The following PDE4D variants were observed in gnomAD, a reference collection of about 807,000 sequenced individuals.
PDE4D encodes 3',5'-cyclic-AMP phosphodiesterase 4D.
A neutral mutation model predicts 87.4 loss-of-function variants in PDE4D; 24 were observed. That is an observed-to-expected ratio of 0.27 (90% CI 0.20 to 0.39). The LOEUF (loss-of-function observed/expected upper bound fraction) is 0.39. PDE4D is among the 10% of genes least tolerant of loss of function. The pLI is 1.00. For synonymous variants in PDE4D, 384 were observed against 383.2 expected (o/e 1.00, Z -0.02); for missense variants, 714 against 1,041.0 (o/e 0.69, Z 4.32).
intron 1 of PDE4D, among the ~76,000 whole-genome samples, chr5:59,594,823 T>C (rs1013318696): frequency 2.0e-5 from 3 of 152,188 alleles, no homozygotes; most frequent in East Asian, 1.9e-4. Flanking sequence ...TATAAATTTG[T>C]GCAAACCCAT....
chr5:60,127,753 G>C, intron 2 of PDE4D: 1 of 535,430 alleles, frequency 1.9e-6, no homozygotes, highest in East Asian at 3.0e-5. Context: ...CTCAATGGAA[G>C]ATATTGAAAA....
chr5:59,039,540 G>A (rs999368011), intron 5 of PDE4D: 15 of 985,376 alleles, frequency 1.5e-5, no homozygotes, highest in African/African-American at 7.0e-5. Flanking sequence ...TCAACTCCTC[G>A]GGCGGCAGGC....
At chr5:59,517,964 A>G (rs1223303327) in intron 1 of PDE4D, among the ~76,000 whole-genome samples, 1 of 152,228 alleles carries the variant, frequency 6.6e-6, no homozygotes, top group Non-Finnish European at 1.5e-5. Context: ...TTAAATATCT[A>G]AATTTATTAG....
chr5:60,025,916 A>G (rs1026187517), intron 2 of PDE4D, among the ~76,000 whole-genome samples: 3 of 152,118 alleles, frequency 2.0e-5, no homozygotes, highest in African/African-American at 7.2e-5. Flanking sequence ...AAATATTATG[A>G]GTTAATTTAT....
At chr5:59,676,698 G>C (rs764719167) in intron 1 of PDE4D, among the ~76,000 whole-genome samples, 1 of 152,100 alleles carries the variant, frequency 6.6e-6, no homozygotes, top group Non-Finnish European at 1.5e-5. Flanking sequence ...ATAATTGTAC[G>C]TAGGGATGTT....
chr5:60,419,996 G>A (rs1742950912), intron 1 of PDE4D, among the ~76,000 whole-genome samples: 1 of 152,160 alleles, frequency 6.6e-6, no homozygotes, highest in South Asian at 2.1e-4. Context: ...GCAGAGATTT[G>A]TCCCAGACAT....
At chr5:60,387,896 G>T (rs2150020041) in intron 1 of PDE4D, among the ~76,000 whole-genome samples, 1 of 152,276 alleles carries the variant, frequency 6.6e-6, no homozygotes, top group East Asian at 1.9e-4. Context: ...GCTTCCACCT[G>T]TAGACACCAG....
chr5:59,156,320 A>AAATATATATATATATATAT (rs548335725), intron 5 of PDE4D, among the ~76,000 whole-genome samples: 2 of 81,780 alleles, frequency 2.4e-5, no homozygotes, highest in African/African-American at 5.1e-5. Context: ...AAAAAAAAAA[A>AAATATATATATATATATAT]ATATATATAT....
chr5:59,571,486 G>A (rs1205337416), intron 1 of PDE4D, among the ~76,000 whole-genome samples: 1 of 152,218 alleles, frequency 6.6e-6, no homozygotes, highest in African/African-American at 2.4e-5. Flanking sequence ...TTGGGGAGAG[G>A]TGGGGGAAAG....
chr5:60,116,999 T>A (rs1426313295), intron 2 of PDE4D, among the ~76,000 whole-genome samples: 3 of 151,994 alleles, frequency 2.0e-5, no homozygotes, highest in African/African-American at 4.8e-5. Flanking sequence ...GCAAAAATTA[T>A]TATGAAGAAG....
intron 3 of PDE4D, among the ~76,000 whole-genome samples, chr5:59,901,513 T>G (rs1752257997): frequency 2.0e-5 from 3 of 152,086 alleles, no homozygotes; most frequent in Admixed American, 2.0e-4. Flanking sequence ...AAGTCATAAA[T>G]TGGAAGAAAA....
At chr5:59,285,514 T>TA (rs11383327) in intron 1 of PDE4D, among the ~76,000 whole-genome samples, 19,211 of 149,804 alleles carry the variant, frequency 0.13, 1,265 homozygotes, top group East Asian at 0.23. Context: ...GTGTTATAAT[T>TA]AAAAAAAAAA....
At chr5:59,587,513 T>TCCAG (rs1355157865) in intron 1 of PDE4D, 18 of 985,294 alleles carry the variant, frequency 1.8e-5, no homozygotes, top group Non-Finnish European at 2.2e-5. Flanking sequence ...GCGCCGAATT[T>TCCAG]CCAGCAGAAC....
intron 1 of PDE4D, among the ~76,000 whole-genome samples, chr5:60,377,147 T>A (rs1227989131): frequency 6.6e-6 from 1 of 152,248 alleles, no homozygotes; most frequent in Non-Finnish European, 1.5e-5. Context: ...GCTTCTCGCC[T>A]ATAGCATTCC....
intron 5 of PDE4D, among the ~76,000 whole-genome samples, chr5:59,165,287 T>A (rs1781754940): frequency 6.6e-6 from 1 of 152,198 alleles, no homozygotes; most frequent in Non-Finnish European, 1.5e-5. Context: ...ATCTTTTTTT[T>A]TCCTAAGACA....
chr5:59,449,468 A>C (rs1798824123), intron 1 of PDE4D, among the ~76,000 whole-genome samples: 1 of 152,194 alleles, frequency 6.6e-6, no homozygotes, highest in South Asian at 2.1e-4. Context: ...CCTTGAACCC[A>C]TTGTGCAAAA....
chr5:59,904,213 T>C lies in PDE4D; in HGVS notation c.272+84275A>G, dbSNP rs574443326. ...TGTGCATTTTACATATGTATAGATATGTATGTATATATGTAAATAAAATAA... is the reference window on the plus strand; with the variant it reads ...TGTGCATTTTACATATGTATAGATACGTATGTATATATGTAAATAAAATAA... On this transcript the variant is annotated intron_variant, in intron 3 of 16. Coordinates refer to the PDE4D transcript ENST00000502484. 3.9e-5 allele frequency among the ~76,000 whole-genome samples: 6 copies of C among 152,304 alleles called. No homozygotes were observed. The South Asian group carries it at 1.2e-3, about 32-fold the overall frequency.
At chr5:60,365,337 C>G (rs1472658489) in intron 1 of PDE4D, among the ~76,000 whole-genome samples, 2 of 152,122 alleles carry the variant, frequency 1.3e-5, no homozygotes, top group Non-Finnish European at 2.9e-5. Flanking sequence ...TTTGAAATGT[C>G]AGAAGATATG....
chr5:60,048,860 C>T (rs545694465), intron 2 of PDE4D, among the ~76,000 whole-genome samples: 7 of 152,168 alleles, frequency 4.6e-5, no homozygotes, highest in Admixed American at 2.6e-4. Flanking sequence ...TTGCTCTTCT[C>T]GAGGAGTATC....
Sources: allele counts gnomAD v4.1 joint callset (sites outside exome capture counted in the v4.1 genomes callset), GRCh38; gene constraint gnomAD v4.1.1; transcripts MANE v1.5; gene names NCBI Gene and HGNC (gene_info 2026-07-23, HGNC 2026-07-21).